The following FAT3 variants were observed in gnomAD, a reference collection of about 807,000 sequenced individuals.
The protein encoded by FAT3 is FAT atypical cadherin 3.
FAT3 carries 95 observed loss-of-function variants against 310.2 expected under a neutral mutation model. The ratio of observed to expected loss-of-function variants is 0.31; its 90% CI spans 0.26 to 0.36. The LOEUF (loss-of-function observed/expected upper bound fraction) is 0.36, where lower values mean the gene tolerates loss of function less well. Among genes scored for constraint, FAT3 ranks in the 10% least tolerant of loss-of-function variants. FAT3 has a pLI of 1.00. For synonymous variants in FAT3, 2,314 were observed against 2,192.9 expected, an observed-to-expected ratio of 1.06 and a Z score of -1.54; for missense variants, 5,408 against 5,715.6, an observed-to-expected ratio of 0.95 and a Z score of 1.74.
intron 4 of FAT3, among the ~76,000 whole-genome samples, chr11:92,705,592 ATGTGGTGGTG>A: frequency 9.0e-3 from 24 of 2,658 alleles, no homozygotes; most frequent in African/African-American, 0.051. Flanking sequence ...TGGTGGTGTG[ATGTGGTGGTG>A]TGATGTGGTG....
intron 4 of FAT3, among the ~76,000 whole-genome samples, chr11:92,732,832 C>T (rs183378869): frequency 6.6e-6 from 1 of 152,242 alleles, no homozygotes; most frequent in Admixed American, 6.5e-5. Context: ...AACAAATGAC[C>T]CTCCACCTGT....
At chr11:92,850,137 T>C (rs973864393) in intron 19 of FAT3, among the ~76,000 whole-genome samples, 2 of 152,236 alleles carry the variant, frequency 1.3e-5, no homozygotes, top group African/African-American at 4.8e-5. Flanking sequence ...TTGCTAATGC[T>C]AATTTTCTAA....
At chr11:92,393,546 A>G (rs961446926) in intron 2 of FAT3, among the ~76,000 whole-genome samples, 2 of 152,138 alleles carry the variant, frequency 1.3e-5, no homozygotes, top group African/African-American at 2.4e-5. Context: ...AATGACCGAC[A>G]TCTCGATCTG....
At chr11:92,677,144 A>C (rs1943311955) in intron 3 of FAT3, among the ~76,000 whole-genome samples, 1 of 152,200 alleles carries the variant, frequency 6.6e-6, no homozygotes, top group Admixed American at 6.5e-5. Flanking sequence ...CTAAGGCAGA[A>C]ACTTAGATGT....
rs79129765 is a variant in FAT3 at position 92,781,523 on chromosome 11, A to G, written c.4335+7343A>G. 3.5e-3 allele frequency among the ~76,000 whole-genome samples: 526 copies of G among 152,278 alleles called. 2 individuals carry two copies. Among genetic ancestry groups the G allele is most frequent in the African/African-American group, 0.012 (505 of 41,548 alleles). ...GAGATATAAACCTGCTTCTTCTCAA[A>G]ATCATATACGAGTCCAGGAACATTT... On this transcript the variant is annotated intron_variant, in intron 7 of 27. Coordinates refer to ENST00000525166, the MANE Select transcript of FAT3 (RefSeq NM_001367949.2).
At chr11:92,763,088 G>A (rs969499311) in intron 5 of FAT3, among the ~76,000 whole-genome samples, 12 of 151,826 alleles carry the variant, frequency 7.9e-5, no homozygotes, top group African/African-American at 2.2e-4. Context: ...GAACCCGGGA[G>A]GCAGAGGTTG....
rs144250762 is a variant in FAT3 at position 92,723,432 on chromosome 11, C to A, written c.3669+25987C>A. 3.0e-3 allele frequency among the ~76,000 whole-genome samples: 457 copies of A among 152,280 alleles called. 3 individuals carry two copies. The highest frequency in any genetic ancestry group is 0.01 in the African/African-American group (425 of 41,570). ...TTTTTGTCAAAGCCATTAAACAAGT[C>A]TCTAGGAAGTTCCAAACTTTCCCAT... is the stretch of plus-strand genomic sequence containing the variant. On this transcript the variant is annotated intron_variant, in intron 4 of 27. Coordinates refer to ENST00000525166, the MANE Select transcript of FAT3 (RefSeq NM_001367949.2).
At chr11:92,718,840 C>T (rs1442628696) in intron 4 of FAT3, among the ~76,000 whole-genome samples, 1 of 152,166 alleles carries the variant, frequency 6.6e-6, no homozygotes, top group Non-Finnish European at 1.5e-5. Context: ...AATGAATGCA[C>T]TCTAAGTCTA....
At chr11:92,246,550 G>C (rs1026350974) in intron 1 of FAT3, among the ~76,000 whole-genome samples, 3 of 152,114 alleles carry the variant, frequency 2.0e-5, no homozygotes, top group Non-Finnish European at 4.4e-5. Flanking sequence ...CATTTCAGCA[G>C]GGGGAGGAGG....
At chr11:92,271,296 C>A (rs1283288283) in intron 1 of FAT3, among the ~76,000 whole-genome samples, 2 of 152,232 alleles carry the variant, frequency 1.3e-5, no homozygotes, top group East Asian at 3.9e-4. Flanking sequence ...GCCACACTGG[C>A]CTTCCCTCTG....
At chr11:92,388,907 C>CT in intron 2 of FAT3, among the ~76,000 whole-genome samples, 1 of 152,260 alleles carries the variant, frequency 6.6e-6, no homozygotes, top group South Asian at 2.1e-4. Context: ...CTGAACTGGA[C>CT]TTTCTTTCCA....
intron 1 of FAT3, among the ~76,000 whole-genome samples, chr11:92,258,262 AC>A (rs1232979480): frequency 2.6e-5 from 4 of 152,124 alleles, no homozygotes; most frequent in Non-Finnish European, 5.9e-5. Flanking sequence ...GCTGAGATGG[AC>A]CCACAAGTGA....
intron 1 of FAT3, among the ~76,000 whole-genome samples, chr11:92,228,524 C>T (rs1864019976): frequency 1.3e-5 from 2 of 152,290 alleles, no homozygotes; most frequent in Non-Finnish European, 2.9e-5. Flanking sequence ...ATGTTATCAT[C>T]CCTGCTTTCT....
intron 4 of FAT3, among the ~76,000 whole-genome samples, chr11:92,756,078 G>A (rs776549110): frequency 1.2e-4 from 19 of 152,290 alleles, no homozygotes; most frequent in Admixed American, 2.6e-4. Context: ...TGATAACCAC[G>A]TAAGTGAAAT....
chr11:92,299,044 A>G (rs1375137583), intron 1 of FAT3, among the ~76,000 whole-genome samples: 2 of 152,110 alleles, frequency 1.3e-5, no homozygotes, highest in Non-Finnish European at 2.9e-5. Context: ...GAGTGGAGCT[A>G]CACAGAAGAG....
rs940493877 is a variant in FAT3, at chr11:92,857,090, T to C, written c.11366-124T>C. On this transcript the variant is annotated intron_variant, in intron 19 of 27. Transcript: ENST00000525166. ...CTGAGTGGCATCTTTGTGACTCAGC[T>C]CAGAGCCCACATATCCCAGCTCTTG... is the stretch of plus-strand genomic sequence containing the variant. 52 of 1,419,924 alleles carry C rather than the reference T, an allele frequency of 3.7e-5. No individual in the cohort carries two copies. In the African/African-American group the frequency reaches 7.3e-4, roughly 20 times the overall value. The allele number at this position is 1,419,924 out of a possible 1,614,324, so 88.0% of individuals were successfully genotyped here.
intron 2 of FAT3, among the ~76,000 whole-genome samples, chr11:92,413,291 G>A (rs558428968): frequency 6.6e-6 from 1 of 152,286 alleles, no homozygotes; most frequent in East Asian, 1.9e-4. Context: ...ATAAAATAGG[G>A]AGAATAGCAT....
intron 2 of FAT3, among the ~76,000 whole-genome samples, chr11:92,409,410 T>A (rs1172150372): frequency 6.6e-6 from 1 of 152,194 alleles, no homozygotes; most frequent in Non-Finnish European, 1.5e-5. Flanking sequence ...AATACATTTG[T>A]AAATTTTCGT....
At chr11:92,542,176 CA>C in intron 3 of FAT3, among the ~76,000 whole-genome samples, 1 of 151,924 alleles carries the variant, frequency 6.6e-6, no homozygotes, top group African/African-American at 2.4e-5. Context: ...TCACCATATA[CA>C]AAAATAAACT....
Sources: gnomAD v4.1 joint callset for allele counts (sites outside exome capture counted in the v4.1 genomes callset) on GRCh38, gnomAD v4.1.1 for gene constraint, MANE v1.5 for transcripts, NCBI Gene and HGNC (gene_info 2026-07-23, HGNC 2026-07-21) for gene names.